TMED3: variants seen among roughly 807,000 people sequenced by gnomAD.
TMED3 encodes the protein transmembrane p24 trafficking protein 3.
A neutral mutation model predicts 15.0 loss-of-function variants in TMED3; 9 were observed. That is an observed-to-expected ratio of 0.60 (90% confidence interval 0.36 to 1.04). The LOEUF (loss-of-function observed/expected upper bound fraction) is 1.04, where lower values mean the gene tolerates loss of function less well. Ranked by LOEUF, TMED3 falls within the 50% of genes least tolerant of loss-of-function variation. TMED3 has a pLI of 0.01. For synonymous variants in TMED3, 117 were observed against 121.4 expected, an observed-to-expected ratio of 0.96 and a Z score of 0.24; for missense variants, 267 against 278.9, an observed-to-expected ratio of 0.96 and a Z score of 0.30.
At chr15:79,340,523 A>G (rs892136864) in intron 2 of TMED3, among the ~76,000 whole-genome samples, 4 of 152,246 alleles carry the variant, frequency 2.6e-5, no homozygotes, top group African/African-American at 9.6e-5. Context: ...CAGTGTTTGC[A>G]GTCGTGAAGT....
intron 2 of TMED3, among the ~76,000 whole-genome samples, chr15:79,404,133 C>T (rs1595912273): frequency 6.6e-6 from 1 of 152,122 alleles, no homozygotes; most frequent in Non-Finnish European, 1.5e-5. Flanking sequence ...GATTCTATGC[C>T]ATTAAACCTG....
intron 2 of TMED3, among the ~76,000 whole-genome samples, chr15:79,371,869 C>T (rs1346902186): frequency 6.6e-6 from 1 of 152,156 alleles, no homozygotes; most frequent in Non-Finnish European, 1.5e-5. Context: ...ACAAGATAGG[C>T]AGTGGCAGGT....
chr15:79,340,358 G>C (rs533257713), intron 2 of TMED3, among the ~76,000 whole-genome samples: 216 of 152,270 alleles, frequency 1.4e-3, no homozygotes, highest in African/African-American at 5.1e-3. Flanking sequence ...ACATATCACA[G>C]AGTGTCATGG....
chr15:79,381,317 C>G, intron 2 of TMED3, among the ~76,000 whole-genome samples: 1 of 152,130 alleles, frequency 6.6e-6, no homozygotes, highest in East Asian at 1.9e-4. Flanking sequence ...GCAGAGTGCA[C>G]ACAGACCCCA....
At chr15:79,364,200 G>T (rs28419089) in intron 2 of TMED3, among the ~76,000 whole-genome samples, 9 of 151,978 alleles carry the variant, frequency 5.9e-5, no homozygotes, top group African/African-American at 2.2e-4. Flanking sequence ...ATGGGACTGG[G>T]TTCCCTATTT....
downstream of TMED3, among the ~76,000 whole-genome samples, chr15:79,323,220 C>T (rs1001548224): frequency 1.3e-5 from 2 of 152,138 alleles, no homozygotes; most frequent in Non-Finnish European, 2.9e-5. Context: ...CCTCCTTGCC[C>T]ATTAGTAAGA....
At chr15:79,348,627 T>C (rs1290377220) in intron 2 of TMED3, among the ~76,000 whole-genome samples, 4 of 152,252 alleles carry the variant, frequency 2.6e-5, no homozygotes. Flanking sequence ...CATACCATAA[T>C]GTATGGAATT....
chr15:79,381,363 C>G (rs1186019025), intron 2 of TMED3, among the ~76,000 whole-genome samples: 2 of 152,192 alleles, frequency 1.3e-5, no homozygotes, highest in African/African-American at 4.8e-5. Flanking sequence ...CAGACAGAAG[C>G]TAAGGTGAAT....
intron 2 of TMED3, among the ~76,000 whole-genome samples, chr15:79,341,710 C>G (rs761024946): frequency 2.0e-5 from 3 of 152,184 alleles, no homozygotes; most frequent in Non-Finnish European, 4.4e-5. Context: ...CATCCCCAAG[C>G]AGGAAGAATT....
intron 2 of TMED3, among the ~76,000 whole-genome samples, chr15:79,399,425 A>C (rs922301635): frequency 6.6e-6 from 1 of 152,156 alleles, no homozygotes; most frequent in African/African-American, 2.4e-5. Context: ...TGTTTGTGTG[A>C]GTCCAAAAAC....
Position 79,313,298 on chromosome 15 carries a change from A to G in TMED3, c.169-459A>G, listed in dbSNP as rs145210989. On this transcript the variant is annotated intron_variant, in intron 1 of 2. Coordinates refer to ENST00000299705, the MANE Select transcript of TMED3 (RefSeq NM_007364.4). ...GATTTCGGGAAGCTTTATCAGCACC[A>G]TCTCAGGAAGAGCAGTTATCCTGGG... Among the ~76,000 whole-genome samples the G allele has an allele frequency of 9.7e-4, 147 of 152,274 alleles. No homozygotes were observed. The Middle Eastern group carries it at 0.031, about 32-fold the overall frequency.
chr15:79,413,743 C>T (rs1428935123), exon 3 of TMED3: 1 of 152,214 alleles, frequency 6.6e-6, no homozygotes, highest in Non-Finnish European at 1.5e-5. Context: ...CCTGGTTGGA[C>T]AGTGTGTATC....
At chr15:79,328,945 C>T (rs542955959) in intron 2 of TMED3, among the ~76,000 whole-genome samples, 41 of 152,300 alleles carry the variant, frequency 2.7e-4, no homozygotes, top group Admixed American at 7.2e-4. Context: ...GTGGCACAGC[C>T]CAGGTTGCTG....
At chr15:79,373,722 G>A (rs1893380758) in intron 2 of TMED3, among the ~76,000 whole-genome samples, 1 of 152,192 alleles carries the variant, frequency 6.6e-6, no homozygotes, top group Admixed American at 6.5e-5. Flanking sequence ...ATGCACGCCA[G>A]GTAGTTGGGT....
intron 2 of TMED3, among the ~76,000 whole-genome samples, chr15:79,408,016 T>C (rs1480340715): frequency 6.6e-6 from 1 of 152,190 alleles, no homozygotes; most frequent in Non-Finnish European, 1.5e-5. Flanking sequence ...CCCTTCCTGC[T>C]TTACAAAGTC....
intron 2 of TMED3, among the ~76,000 whole-genome samples, chr15:79,372,522 C>T (rs910817201): frequency 1.3e-5 from 2 of 152,150 alleles, no homozygotes; most frequent in Admixed American, 1.3e-4. Flanking sequence ...CTGGGGAGTC[C>T]TCAAAATCAT....
At chr15:79,376,091 G>A (rs1191453542) in intron 2 of TMED3, among the ~76,000 whole-genome samples, 2 of 118,842 alleles carry the variant, frequency 1.7e-5, no homozygotes, top group Non-Finnish European at 3.3e-5. Context: ...TCTAGAGAAA[G>A]GTTTTTTTTT....
At chr15:79,375,548 G>C (rs536834868) in intron 2 of TMED3, among the ~76,000 whole-genome samples, 20 of 152,260 alleles carry the variant, frequency 1.3e-4, no homozygotes, top group African/African-American at 4.3e-4. Context: ...CTTCTGGGGA[G>C]GCCTCAGGAA....
intron 2 of TMED3, among the ~76,000 whole-genome samples, chr15:79,328,453 T>A (rs2058795418): frequency 6.6e-6 from 1 of 152,190 alleles, no homozygotes; most frequent in Admixed American, 6.5e-5. Flanking sequence ...AACTGGGCCT[T>A]AAGCAGGTCT....
Sources: gnomAD v4.1 joint callset for allele counts (sites outside exome capture counted in the v4.1 genomes callset) on GRCh38, gnomAD v4.1.1 for gene constraint, MANE v1.5 for transcripts, NCBI Gene and HGNC (gene_info 2026-07-23, HGNC 2026-07-21) for gene names.